FAM89A: variants seen among roughly 807,000 people sequenced by gnomAD.
FAM89A encodes the protein family with sequence similarity 89 member A, also known as protein FAM89A.
In FAM89A, 10 loss-of-function variants were observed where a neutral mutation model predicts 7.1. The ratio of observed to expected loss-of-function variants is 1.40; its 90% confidence interval spans 0.86 to 2.38. FAM89A has a LOEUF of 2.38. Ranked by LOEUF, FAM89A falls within the 30% of genes most tolerant of loss-of-function variation. The pLI is 0.00. For synonymous variants in FAM89A, 157 were observed against 129.3 expected, an observed-to-expected ratio of 1.21 and a Z score of -1.45; for missense variants, 276 against 262.8, an observed-to-expected ratio of 1.05 and a Z score of -0.35.
chr1:231,039,342 T>C (rs1249573575), intron 1 of FAM89A, among the ~76,000 whole-genome samples: 1 of 152,128 alleles, frequency 6.6e-6, no homozygotes, highest in Non-Finnish European at 1.5e-5. Context: ...CCCGGCCGCC[T>C]CCCTCGCCCG....
Position 231,020,054 on chromosome 1 carries a change from T to C in FAM89A, c.364A>G (p.Lys122Glu). The change falls in exon 2 of 2, where the codon AAG (lysine) becomes GAG (glutamate). Residue 122 changes from lysine (K) to glutamate (E), a missense_variant. Coordinates refer to ENST00000366654, the MANE Select transcript of FAM89A (RefSeq NM_198552.3). ...YSLYESIQEY[K>E]GACQAASSPD... ...CTGGAGGCTGCCTGGCATGCCCCCT[T>C]GTACTCCTGAATCGACTCGTAGAGG... The C allele has an allele frequency of 6.2e-7, 1 of 1,614,078 alleles. No individual in the cohort carries two copies. The highest frequency in any genetic ancestry group is 1.1e-5 in the South Asian group (1 of 91,076).
intron 1 of FAM89A, among the ~76,000 whole-genome samples, chr1:231,020,714 C>G (rs964023449): frequency 6.6e-6 from 1 of 152,186 alleles, no homozygotes; most frequent in African/African-American, 2.4e-5. Context: ...CCAGATGGTT[C>G]TGGGATCCCT....
At chr1:231,035,569 G>A (rs950396846) in intron 1 of FAM89A, among the ~76,000 whole-genome samples, 5 of 152,102 alleles carry the variant, frequency 3.3e-5, no homozygotes, top group Non-Finnish European at 7.4e-5. Flanking sequence ...ATCTAACCTC[G>A]CACGGGTGCT....
chr1:231,021,904 G>A, intron 1 of FAM89A: 3 of 1,554,262 alleles, frequency 1.9e-6, no homozygotes, highest in East Asian at 4.5e-5. Flanking sequence ...GTGACGATGA[G>A]TTGTTGTCCA....
chr1:231,028,095 G>A (rs531261773), intron 1 of FAM89A, among the ~76,000 whole-genome samples: 13 of 152,226 alleles, frequency 8.5e-5, no homozygotes, highest in Non-Finnish European at 1.5e-5. Flanking sequence ...CCCTCCCAGA[G>A]AACACGTAGC....
intron 1 of FAM89A, among the ~76,000 whole-genome samples, chr1:231,032,798 G>T (rs113582132): frequency 0.019 from 2,871 of 152,260 alleles, 87 homozygotes; most frequent in African/African-American, 0.064. Flanking sequence ...GGACAGGCCT[G>T]GGGTTCCCCA....
intron 1 of FAM89A, 126 bp from the exon 2 acceptor site, chr1:231,020,252 A>G: frequency 1.0e-6 from 1 of 999,890 alleles, no homozygotes; most frequent in Admixed American, 2.8e-5. Context: ...GATTCAGAGC[A>G]TCACTCGGAT....
chr1:231,022,716 T>C (rs1679902055), intron 1 of FAM89A, among the ~76,000 whole-genome samples: 1 of 152,194 alleles, frequency 6.6e-6, no homozygotes, highest in African/African-American at 2.4e-5. Context: ...CACCTTATCA[T>C]TGATCTGCAG....
rs138938782 is a variant in FAM89A, at chr1:231,030,316, C to T, written c.291+9605G>A. Reference sequence around the variant, plus strand: ...TGCCCCCAGATTAACCCCCATTAAACCCAAAGCACATCCCACCTCTATACT... The same window carrying T: ...TGCCCCCAGATTAACCCCCATTAAATCCAAAGCACATCCCACCTCTATACT... On this transcript the variant is annotated intron_variant, in intron 1 of 1. Transcript: ENST00000366654. Among the ~76,000 whole-genome samples the T allele has an allele frequency of 1.6e-3, 245 of 152,292 alleles. 3 individuals carry two copies. Among genetic ancestry groups the T allele is most frequent in the African/African-American group, 5.6e-3 (234 of 41,572 alleles).
In FAM89A at chr1:231,019,957, G is replaced by A. The variant is rs1679842486; in HGVS notation, c.461C>T (p.Ser154Phe). 1 of 1,614,046 alleles carries A rather than the reference G, an allele frequency of 6.2e-7. No individual in the cohort carries two copies. Among genetic ancestry groups the A allele is most frequent in the Admixed American group, 1.7e-5 (1 of 60,002 alleles). The change falls in exon 2 of 2, where the codon TCC becomes TTC. Residue 154 changes from serine (S) to phenylalanine (F), a missense_variant. Coordinates refer to ENST00000366654, the MANE Select transcript of FAM89A (RefSeq NM_198552.3). ...EEEEYFQEQN[S>F]LHDRRDRGPP... Reference sequence around the variant, plus strand: ...GCCTCGGTCCCTCCTGTCGTGCAGGGAGTTCTGCTCCTGGAAATATTCCTC... The same window carrying A: ...GCCTCGGTCCCTCCTGTCGTGCAGGAAGTTCTGCTCCTGGAAATATTCCTC...
At chr1:231,027,476 G>A (rs545131175) in intron 1 of FAM89A, among the ~76,000 whole-genome samples, 15 of 151,950 alleles carry the variant, frequency 9.9e-5, no homozygotes, top group African/African-American at 2.9e-4. Context: ...GCACACACAC[G>A]CCTACACACC....
Position 231,019,687 on chromosome 1 carries a change from A to AC in FAM89A, c.*175dup. ...GCAGAAACTGCTGCCATCAAAGCAGACTGCCACCATGCATCCGCGGAGAAC... is the reference window on the plus strand; with the variant it reads ...GCAGAAACTGCTGCCATCAAAGCAGACCTGCCACCATGCATCCGCGGAGAAC... On this transcript the variant is annotated 3_prime_UTR_variant, in exon 2 of 2. Coordinates refer to ENST00000366654, the MANE Select transcript of FAM89A (RefSeq NM_198552.3). The AC allele has an allele frequency of 1.5e-6, 1 of 675,060 alleles. No homozygotes were observed. The highest frequency in any genetic ancestry group is 2.5e-6 in the Non-Finnish European group (1 of 406,148). 41.8% of individuals were successfully genotyped at this position (675,060 alleles called of 1,614,324 possible).
intron 1 of FAM89A, among the ~76,000 whole-genome samples, chr1:231,030,978 C>T (rs1680056940): frequency 6.6e-6 from 1 of 152,028 alleles, no homozygotes; most frequent in Non-Finnish European, 1.5e-5. Flanking sequence ...GGTGTGGTGG[C>T]ATTTGCCTGT....
chr1:231,035,898 T>C (rs1431696766), intron 1 of FAM89A, among the ~76,000 whole-genome samples: 1 of 152,228 alleles, frequency 6.6e-6, no homozygotes, highest in African/African-American at 2.4e-5. Context: ...CACCATCTTA[T>C]TAAAATACAA....
intron 1 of FAM89A, among the ~76,000 whole-genome samples, chr1:231,032,143 T>C (rs939783624): frequency 2.6e-5 from 4 of 152,262 alleles, no homozygotes; most frequent in African/African-American, 9.6e-5. Context: ...GCTTTAGCTG[T>C]ATGAAGATTT....
At chr1:231,039,829 C>T (rs768827187) in intron 1 of FAM89A, 92 bp downstream of exon 1, 20 of 1,193,714 alleles carry the variant, frequency 1.7e-5, no homozygotes, top group Non-Finnish European at 2.0e-5. Context: ...CGGGTGGGCG[C>T]GGGGACTTCC....
chr1:231,024,732 G>A (rs1437134899), intron 1 of FAM89A, among the ~76,000 whole-genome samples: 1 of 151,710 alleles, frequency 6.6e-6, no homozygotes, highest in Non-Finnish European at 1.5e-5. Context: ...TGTAGAGATG[G>A]GGCCTTGCCA....
At chr1:231,021,560 G>A (rs755944751) in intron 1 of FAM89A, 2 of 1,082,348 alleles carry the variant, frequency 1.8e-6, no homozygotes, top group East Asian at 2.4e-5. Context: ...GCAAACCTTG[G>A]TATAGATCAC....
rs193017007 is a variant in FAM89A, at chr1:231,024,602, T to C, written c.292-4476A>G. On this transcript the variant is annotated intron_variant, in intron 1 of 1. Coordinates refer to ENST00000366654, the MANE Select transcript of FAM89A (RefSeq NM_198552.3). ...CCCAGGCAGGAGTGTGGTGGTATGATCATAGCTCACTGCCACCTCAAGCTC... is the reference window on the plus strand; with the variant it reads ...CCCAGGCAGGAGTGTGGTGGTATGACCATAGCTCACTGCCACCTCAAGCTC... Among the ~76,000 whole-genome samples, 310 of 151,398 alleles carry C rather than the reference T, an allele frequency of 2.0e-3. 3 individuals are homozygous for C. Among genetic ancestry groups the C allele is most frequent in the African/African-American group, 7.2e-3 (297 of 41,280 alleles).
Sources: allele counts gnomAD v4.1 joint callset (sites outside exome capture counted in the v4.1 genomes callset), GRCh38; gene constraint gnomAD v4.1.1; transcripts MANE v1.5; gene names NCBI Gene and HGNC (gene_info 2026-07-23, HGNC 2026-07-21).